The following FAF1 variants were observed in gnomAD, a reference collection of about 807,000 sequenced individuals.
FAF1 encodes the protein FAS-associated factor 1.
Under a neutral mutation model 92.5 loss-of-function variants are expected in FAF1, and 25 were observed. The ratio of observed to expected loss-of-function variants is 0.27; its 90% CI spans 0.20 to 0.38. The LOEUF is 0.38. Ranked by LOEUF, FAF1 falls within the 10% of genes least tolerant of loss-of-function variation. FAF1 has a pLI of 1.00. For missense variants in FAF1, 636 were observed against 793.3 expected, an observed-to-expected ratio of 0.80 and a Z score of 2.38; for synonymous variants, 234 against 273.2, an observed-to-expected ratio of 0.86 and a Z score of 1.42.
intron 1 of FAF1, among the ~76,000 whole-genome samples, chr1:50,943,455 C>T (rs1403647426): frequency 6.6e-6 from 1 of 152,118 alleles, no homozygotes; most frequent in Non-Finnish European, 1.5e-5. Context: ...CAGACTCTGC[C>T]TTGGCTCACA....
At chr1:50,562,925 G>A (rs1649996511) in intron 13 of FAF1, among the ~76,000 whole-genome samples, 2 of 152,158 alleles carry the variant, frequency 1.3e-5, no homozygotes, top group Non-Finnish European at 2.9e-5. Context: ...AAAAAATTGT[G>A]TCTATACTGA....
chr1:50,640,594 C>T (rs1241503424), intron 8 of FAF1, among the ~76,000 whole-genome samples: 1 of 151,970 alleles, frequency 6.6e-6, no homozygotes, highest in African/African-American at 2.4e-5. Flanking sequence ...TATATTTGGG[C>T]TTTTCTAGTT....
chr1:50,686,464 C>T (rs1656661337), intron 7 of FAF1, among the ~76,000 whole-genome samples: 1 of 151,906 alleles, frequency 6.6e-6, no homozygotes, highest in South Asian at 2.1e-4. Flanking sequence ...ATCACTTGAA[C>T]CTGGGAGGTG....
intron 1 of FAF1, among the ~76,000 whole-genome samples, chr1:50,907,655 G>GT (rs905199562): frequency 6.6e-5 from 10 of 152,094 alleles, no homozygotes; most frequent in African/African-American, 7.2e-5. Flanking sequence ...AGATTTTCTA[G>GT]TTTTTTTTCA....
chr1:50,826,874 C>T (rs1244229998), intron 2 of FAF1, among the ~76,000 whole-genome samples: 1 of 152,094 alleles, frequency 6.6e-6, no homozygotes, highest in Non-Finnish European at 1.5e-5. Flanking sequence ...AAATTCCAGA[C>T]ACCGTCTGGG....
At chr1:50,548,474 T>C (rs1286304753) in intron 13 of FAF1, among the ~76,000 whole-genome samples, 1 of 152,224 alleles carries the variant, frequency 6.6e-6, no homozygotes, top group African/African-American at 2.4e-5. Context: ...TCAATAACCT[T>C]TATCTTCACT....
At chr1:50,644,313 A>C (rs186600283) in intron 8 of FAF1, among the ~76,000 whole-genome samples, 198 of 152,318 alleles carry the variant, frequency 1.3e-3, no homozygotes, top group African/African-American at 4.6e-3. Flanking sequence ...GTGTCTCTAC[A>C]ATGTGTAGTT....
At chr1:50,670,142 A>T (rs1271340892) in intron 7 of FAF1, among the ~76,000 whole-genome samples, 1 of 151,912 alleles carries the variant, frequency 6.6e-6, no homozygotes, top group Admixed American at 6.6e-5. Flanking sequence ...AAAAAAAAAA[A>T]AAAAATTAAA....
rs544496677 is a variant in FAF1, at chr1:50,642,080, G to A, written c.744+13362C>T. On this transcript the variant is annotated intron_variant, in intron 8 of 18. Coordinates refer to ENST00000396153, the MANE Select transcript of FAF1 (RefSeq NM_007051.3). Reference sequence around the variant, plus strand: ...CAACCAGGCATGGTGGCGGGTGCCCGTAATCCCAGCTACTCATGAGGCTGA... The same window carrying A: ...CAACCAGGCATGGTGGCGGGTGCCCATAATCCCAGCTACTCATGAGGCTGA... Among the ~76,000 whole-genome samples, 14 of 151,900 alleles carry A rather than the reference G, an allele frequency of 9.2e-5. No homozygotes were observed. In the East Asian group the frequency reaches 1.9e-3, roughly 21 times the overall value.
At chr1:50,559,769 AAAC>A (rs886443647) in intron 13 of FAF1, among the ~76,000 whole-genome samples, 3 of 152,182 alleles carry the variant, frequency 2.0e-5, no homozygotes, top group Non-Finnish European at 4.4e-5. Flanking sequence ...CCTCTTCACA[AAAC>A]AAACCAGGGA....
rs574390684 is a variant in FAF1, at chr1:50,853,876, T to C, written c.114+4053A>G. Among the ~76,000 whole-genome samples the C allele has an allele frequency of 1.7e-4, 26 of 152,184 alleles. 1 individual carries two copies. In the South Asian group the frequency reaches 5.4e-3, roughly 32 times the overall value. On this transcript the variant is annotated intron_variant, in intron 2 of 18. Coordinates refer to ENST00000396153, the MANE Select transcript of FAF1 (RefSeq NM_007051.3). ...CTTATGAAGATCTATTAAAAATCTG[T>C]ACTACTATTTATAATTGACTGCTAT...
At chr1:50,848,571 T>C (rs1372940465) in intron 2 of FAF1, among the ~76,000 whole-genome samples, 1 of 152,186 alleles carries the variant, frequency 6.6e-6, no homozygotes, top group African/African-American at 2.4e-5. Context: ...TAACTCTCCA[T>C]TGGAGAAAAC....
intron 6 of FAF1, among the ~76,000 whole-genome samples, chr1:50,729,291 G>T (rs1658820450): frequency 6.6e-6 from 1 of 151,588 alleles, no homozygotes. Context: ...CCGACCTCAG[G>T]TGATCCACCT....
intron 2 of FAF1, among the ~76,000 whole-genome samples, chr1:50,816,455 C>G (rs752087564): frequency 6.6e-6 from 1 of 151,956 alleles, no homozygotes; most frequent in Non-Finnish European, 1.5e-5. Context: ...CCTTCCGCCT[C>G]GGCCTCCCAA....
At chr1:50,530,239 G>T (rs1445794730) in intron 15 of FAF1, among the ~76,000 whole-genome samples, 1 of 23,520 alleles carries the variant, frequency 4.3e-5, no homozygotes, top group Non-Finnish European at 9.6e-5. Context: ...TTAAGAAGTG[G>T]TGTGTGTGTG....
intron 8 of FAF1, among the ~76,000 whole-genome samples, chr1:50,625,089 G>A (rs574336289): frequency 7.9e-5 from 12 of 151,828 alleles, no homozygotes; most frequent in East Asian, 1.9e-4. Context: ...TAATAAAGAC[G>A]GGGTTTCACC....
intron 3 of FAF1, among the ~76,000 whole-genome samples, chr1:50,790,589 ACTT>A (rs1661528405): frequency 6.7e-6 from 1 of 149,856 alleles, no homozygotes; most frequent in Non-Finnish European, 1.5e-5. Context: ...ATGTATTGCC[ACTT>A]CTTTTTTTTT....
intron 8 of FAF1, among the ~76,000 whole-genome samples, chr1:50,632,954 C>T (rs1653856901): frequency 6.6e-6 from 1 of 152,134 alleles, no homozygotes; most frequent in Admixed American, 6.6e-5. Context: ...CAGGTGTTTT[C>T]TTCTGAATTT....
chr1:50,445,667 A>G (rs1646219637), intron 18 of FAF1, among the ~76,000 whole-genome samples: 2 of 152,192 alleles, frequency 1.3e-5, no homozygotes, highest in Admixed American at 6.5e-5. Context: ...ACTTTACTGA[A>G]TTATCGACTC....
Sources: allele counts gnomAD v4.1 joint callset (sites outside exome capture counted in the v4.1 genomes callset), GRCh38; gene constraint gnomAD v4.1.1; transcripts MANE v1.5; gene names NCBI Gene and HGNC (gene_info 2026-07-23, HGNC 2026-07-21).